The following PAK1 variants were observed in gnomAD, a reference collection of about 807,000 sequenced individuals.
The protein encoded by PAK1 is p21 (RAC1) activated kinase 1, also known as serine/threonine-protein kinase PAK 1.
In PAK1, 29 loss-of-function variants were observed where a neutral mutation model predicts 67.4. The ratio of observed to expected loss-of-function variants is 0.43; its 90% CI spans 0.32 to 0.59. The LOEUF (loss-of-function observed/expected upper bound fraction) is 0.59, where lower values mean the gene tolerates loss of function less well. Ranked by LOEUF, PAK1 falls within the 20% of genes least tolerant of loss-of-function variation. The pLI is 0.07. For missense variants in PAK1, 337 were observed against 670.7 expected (o/e 0.50, Z 5.50); for synonymous variants, 223 against 237.4 (o/e 0.94, Z 0.56).
At chr11:77,424,184 A>C (rs146734230) in intron 1 of PAK1, among the ~76,000 whole-genome samples, 164 of 152,340 alleles carry the variant, frequency 1.1e-3, no homozygotes, top group Admixed American at 0.01. Context: ...ATCACAAACA[A>C]CAATGCCACT....
intron 10 of PAK1, 113 bp downstream of exon 10, chr11:77,343,704 GAA>G: frequency 1.4e-6 from 1 of 701,616 alleles, no homozygotes; most frequent in East Asian, 2.5e-5. Flanking sequence ...CAGCATCACA[GAA>G]GACTCATAAA....
intron 1 of PAK1, among the ~76,000 whole-genome samples, chr11:77,404,657 T>A (rs1378412829): frequency 6.6e-6 from 1 of 152,200 alleles, no homozygotes; most frequent in African/African-American, 2.4e-5. Context: ...TGTATCTGCA[T>A]CCATTTTCTC....
intron 1 of PAK1, among the ~76,000 whole-genome samples, chr11:77,459,034 T>C (rs1473542562): frequency 1.9e-4 from 29 of 152,064 alleles, no homozygotes. Flanking sequence ...TTTAAAAGCA[T>C]AGAGGAAAAC....
At chr11:77,477,567 C>CAA (rs61075974), upstream of PAK1, among the ~76,000 whole-genome samples, 5 of 84,192 alleles carry the variant, frequency 5.9e-5, no homozygotes, top group Admixed American at 1.5e-4. Context: ...ACCATCTCTA[C>CAA]AAAAAAAAAA....
chr11:77,322,885 A>G lies in PAK1; in HGVS notation c.*389T>C, dbSNP rs556508229. On this transcript the variant is annotated 3_prime_UTR_variant, in exon 15 of 15. Transcript: ENST00000356341. Reference sequence around the variant, plus strand: ...AAAAGCAAGCACTAAAGAAATCTCAATTGATTACAAATTGATAATATTATC... The same window carrying G: ...AAAAGCAAGCACTAAAGAAATCTCAGTTGATTACAAATTGATAATATTATC... The G allele has an allele frequency of 4.6e-5, 25 of 540,624 alleles. No homozygotes were observed. Among genetic ancestry groups the G allele is most frequent in the African/African-American group, 2.8e-4 (15 of 52,910 alleles). 33.5% of individuals were successfully genotyped at this position (540,624 alleles called of 1,614,324 possible).
chr11:77,505,079 G>A, the PAK1 span, among the ~76,000 whole-genome samples: 4 of 152,086 alleles, frequency 2.6e-5, no homozygotes, highest in Non-Finnish European at 5.9e-5. Context: ...ATTTTTTATT[G>A]CAGTAAAATA....
the PAK1 span, among the ~76,000 whole-genome samples, chr11:77,489,711 G>T: frequency 2.0e-5 from 3 of 151,188 alleles, no homozygotes; most frequent in Non-Finnish European, 4.4e-5. Flanking sequence ...TCGGCCTCCC[G>T]AGGTGCCGGG....
intron 14 of PAK1, among the ~76,000 whole-genome samples, chr11:77,330,955 C>T (rs1941362126): frequency 1.3e-5 from 2 of 152,018 alleles, no homozygotes; most frequent in South Asian, 2.1e-4. Flanking sequence ...AACAAACAAC[C>T]CCATCAAAAA....
chr11:77,373,067 G>A (rs1948638530), intron 5 of PAK1, among the ~76,000 whole-genome samples: 1 of 152,200 alleles, frequency 6.6e-6, no homozygotes, highest in Non-Finnish European at 1.5e-5. Flanking sequence ...CTGGCTGCTT[G>A]AGGTCTTCAA....
chr11:77,392,486 G>T lies in PAK1; in HGVS notation c.35C>A (p.Pro12His). The change falls in exon 2 of 15, where the codon CCC (proline) becomes CAC (histidine). Residue 12 changes from proline (P) to histidine (H), a missense_variant. Transcript: ENST00000356341. ...GGTATTTCTCATCGGAGGGGCTGGGGGTTTGTCTTGAATGTCTAGGCCGTT... is the reference window on the plus strand; with the variant it reads ...GGTATTTCTCATCGGAGGGGCTGGGTGTTTGTCTTGAATGTCTAGGCCGTT... ...SNNGLDIQDK[P>H]PAPPMRNTST... 6.2e-7 allele frequency: 1 copy of T among 1,613,164 alleles called. No individual in the cohort carries two copies. The highest frequency in any genetic ancestry group is 8.5e-7 in the Non-Finnish European group (1 of 1,179,474).
intron 1 of PAK1, among the ~76,000 whole-genome samples, chr11:77,394,524 C>T (rs959301056): frequency 1.3e-5 from 2 of 151,962 alleles, no homozygotes; most frequent in African/African-American, 2.4e-5. Context: ...CTGTCAGTAA[C>T]CTTAGAACAC....
At chr11:77,409,041 G>T (rs527727116) in intron 1 of PAK1, among the ~76,000 whole-genome samples, 2 of 152,230 alleles carry the variant, frequency 1.3e-5, no homozygotes, top group African/African-American at 4.8e-5. Flanking sequence ...AAGGCAGGCA[G>T]ATCACTTGAG....
rs1938752303 is a variant in PAK1, at chr11:77,322,996, CATTT to C, written c.*274_*277del. The C allele has an allele frequency of 1.6e-6, 1 of 623,360 alleles. No individual in the cohort carries two copies. Among genetic ancestry groups the C allele is most frequent in the African/African-American group, 1.8e-5 (1 of 54,410 alleles). 38.6% of individuals were successfully genotyped at this position (623,360 alleles called of 1,614,324 possible). On this transcript the variant is annotated 3_prime_UTR_variant, in exon 15 of 15. Coordinates refer to ENST00000356341, the MANE Select transcript of PAK1 (RefSeq NM_002576.5). ...ATTTTGACACACGGAAGACTAGAAA[CATTT>C]ATTTATATAAACCCTTAATCATAAA...
At chr11:77,370,837 C>A (rs1489159946) in intron 5 of PAK1, among the ~76,000 whole-genome samples, 1 of 152,198 alleles carries the variant, frequency 6.6e-6, no homozygotes, top group East Asian at 1.9e-4. Flanking sequence ...GTTTAGACAT[C>A]ACATATCCAA....
At chr11:77,481,299 G>A in the PAK1 span, among the ~76,000 whole-genome samples, 1 of 152,048 alleles carries the variant, frequency 6.6e-6, no homozygotes, top group South Asian at 2.1e-4. Context: ...ATATAACTGT[G>A]CATTTGTCAA....
At chr11:77,458,980 A>G (rs1197716514) in intron 1 of PAK1, among the ~76,000 whole-genome samples, 1 of 152,226 alleles carries the variant, frequency 6.6e-6, no homozygotes, top group Non-Finnish European at 1.5e-5. Context: ...GGAAGCCTAC[A>G]TGGAAGAACT....
intron 1 of PAK1, among the ~76,000 whole-genome samples, chr11:77,438,015 T>C (rs1050388311): frequency 1.3e-5 from 2 of 151,902 alleles, no homozygotes; most frequent in African/African-American, 2.4e-5. Context: ...TTCTCCCTCT[T>C]CTCCTTGGAC....
At chr11:77,423,737 T>C (rs1565692642) in intron 1 of PAK1, among the ~76,000 whole-genome samples, 2 of 152,216 alleles carry the variant, frequency 1.3e-5, no homozygotes, top group Admixed American at 1.3e-4. Flanking sequence ...CCCTATCACC[T>C]CTGTCTCAAT....
intron 1 of PAK1, among the ~76,000 whole-genome samples, chr11:77,412,612 C>T (rs1018241891): frequency 5.9e-5 from 9 of 151,774 alleles, no homozygotes; most frequent in Non-Finnish European, 8.8e-5. Flanking sequence ...ATTTTTTGTA[C>T]AGATGGGGTC....
Sources: allele counts gnomAD v4.1 joint callset (sites outside exome capture counted in the v4.1 genomes callset), GRCh38; gene constraint gnomAD v4.1.1; transcripts MANE v1.5; gene names NCBI Gene and HGNC (gene_info 2026-07-23, HGNC 2026-07-21).